WDR49: variants seen among roughly 807,000 people sequenced by gnomAD.
WDR49 encodes the protein WD repeat domain 49.
A neutral mutation model predicts 119.5 loss-of-function variants in WDR49; 107 were observed. The ratio of observed to expected loss-of-function variants is 0.90; its 90% confidence interval spans 0.77 to 1.05. WDR49 has a LOEUF of 1.05. Among genes scored for constraint, WDR49 ranks in the 50% least tolerant of loss-of-function variants. The pLI is 0.00. For synonymous variants in WDR49, 425 were observed against 418.8 expected (o/e 1.01, Z -0.18); for missense variants, 1,240 against 1,220.5 (o/e 1.02, Z -0.24).
intron 2 of WDR49, among the ~76,000 whole-genome samples, chr3:167,652,133 G>T (rs76491839): frequency 0.014 from 2,104 of 152,276 alleles, 19 homozygotes; most frequent in Non-Finnish European, 0.022. Context: ...AATGAGGTTG[G>T]TTGAATAGCA....
intron 12 of WDR49, among the ~76,000 whole-genome samples, chr3:167,531,880 A>G (rs139365136): frequency 1.6e-4 from 25 of 152,282 alleles, no homozygotes; most frequent in African/African-American, 5.8e-4. Context: ...CAAAATTCCA[A>G]AATAAGAAAT....
chr3:167,528,634 G>A (rs1752726663), intron 14 of WDR49, among the ~76,000 whole-genome samples: 1 of 152,070 alleles, frequency 6.6e-6, no homozygotes, highest in Admixed American at 6.6e-5. Flanking sequence ...TGGGAGGATG[G>A]CTGGAACCAG....
intron 5 of WDR49, among the ~76,000 whole-genome samples, chr3:167,609,337 C>T (rs1042370077): frequency 6.6e-6 from 1 of 152,122 alleles, no homozygotes; most frequent in African/African-American, 2.4e-5. Flanking sequence ...AACGCCCACC[C>T]TTCTCCACCC....
At chr3:167,528,929 A>G (rs1331533822) in intron 14 of WDR49, 123 bp downstream of exon 14, 1 of 638,384 alleles carries the variant, frequency 1.6e-6, no homozygotes, top group Non-Finnish European at 2.3e-6. Flanking sequence ...TGTTTTATTT[A>G]AAACACTTAG....
chr3:167,570,992 T>A (rs557497614), intron 8 of WDR49, among the ~76,000 whole-genome samples: 1 of 147,738 alleles, frequency 6.8e-6, no homozygotes, highest in South Asian at 2.1e-4. Flanking sequence ...ACCACTTCAC[T>A]CTAGCTTGGG....
chr3:167,539,120 G>T (rs770731235), intron 10 of WDR49, among the ~76,000 whole-genome samples: 13 of 152,114 alleles, frequency 8.5e-5, no homozygotes, highest in Non-Finnish European at 1.8e-4. Context: ...TGCTCAAAAA[G>T]TTTAAGGAAG....
At chr3:167,607,823 C>A (rs1716135960) in intron 5 of WDR49, among the ~76,000 whole-genome samples, 1 of 152,248 alleles carries the variant, frequency 6.6e-6, no homozygotes, top group South Asian at 2.1e-4. Flanking sequence ...TGCCTCTGAT[C>A]CCCACGGGAA....
At chr3:167,615,310 G>GT (rs1201153565) in intron 5 of WDR49, among the ~76,000 whole-genome samples, 2 of 151,882 alleles carry the variant, frequency 1.3e-5, no homozygotes, top group Non-Finnish European at 2.9e-5. Flanking sequence ...TAATTCTTGT[G>GT]TTTTTTATAG....
intron 18 of WDR49, among the ~76,000 whole-genome samples, chr3:167,481,430 G>T (rs1750715033): frequency 6.6e-6 from 1 of 151,748 alleles, no homozygotes; most frequent in Non-Finnish European, 1.5e-5. Context: ...GGAGAACAGA[G>T]TTCCTGGAAC....
At chr3:167,559,627 A>C (rs973621457) in intron 9 of WDR49, among the ~76,000 whole-genome samples, 1 of 152,228 alleles carries the variant, frequency 6.6e-6, no homozygotes, top group African/African-American at 2.4e-5. Flanking sequence ...GTTTACTTTT[A>C]AATATTTATT....
intron 2 of WDR49, among the ~76,000 whole-genome samples, chr3:167,648,909 T>C (rs912767806): frequency 5.3e-5 from 8 of 152,212 alleles, no homozygotes; most frequent in African/African-American, 1.9e-4. Flanking sequence ...ATTATATATT[T>C]TACACAGTTT....
intron 16 of WDR49, among the ~76,000 whole-genome samples, chr3:167,518,645 G>A (rs1395021750): frequency 6.6e-6 from 1 of 151,652 alleles, no homozygotes; most frequent in East Asian, 2.0e-4. Context: ...CCCTTTGTCA[G>A]ATGAGTAGGT....
At chr3:167,631,770 T>G (rs1717388199) in intron 2 of WDR49, among the ~76,000 whole-genome samples, 1 of 152,082 alleles carries the variant, frequency 6.6e-6, no homozygotes, top group African/African-American at 2.4e-5. Context: ...GGTACTTCAC[T>G]GCTAAGCCAT....
chr3:167,522,682 A>G (rs1295530824), intron 15 of WDR49, among the ~76,000 whole-genome samples, 198 bp from the exon 16 acceptor site: 1 of 152,162 alleles, frequency 6.6e-6, no homozygotes, highest in East Asian at 1.9e-4. Context: ...AACTTTAATA[A>G]AGGTAGAAAA....
intron 10 of WDR49, among the ~76,000 whole-genome samples, chr3:167,542,006 A>T (rs567771966): frequency 1.3e-5 from 2 of 152,222 alleles, no homozygotes; most frequent in Admixed American, 6.5e-5. Flanking sequence ...CCTGGGCAAC[A>T]GAGTGTGACC....
At chr3:167,575,120 G>A (rs1178676335) in intron 8 of WDR49, 2 of 985,250 alleles carry the variant, frequency 2.0e-6, no homozygotes, top group Non-Finnish European at 2.4e-6. Flanking sequence ...GCTGTAAGCT[G>A]GAGACTTGCT....
intron 7 of WDR49, among the ~76,000 whole-genome samples, chr3:167,585,407 T>C (rs929827822): frequency 6.6e-6 from 1 of 151,420 alleles, no homozygotes; most frequent in African/African-American, 2.4e-5. Flanking sequence ...TGTGTGTGTG[T>C]GTGTGTGTGT....
intron 18 of WDR49, among the ~76,000 whole-genome samples, chr3:167,481,611 G>C (rs901405516): frequency 8.5e-5 from 13 of 152,154 alleles, no homozygotes; most frequent in Non-Finnish European, 1.8e-4. Flanking sequence ...TGCTGATAAA[G>C]ACACACCCGA....
intron 3 of WDR49, among the ~76,000 whole-genome samples, chr3:167,624,497 G>A (rs1577285516): frequency 6.6e-6 from 1 of 152,098 alleles, no homozygotes; most frequent in East Asian, 1.9e-4. Flanking sequence ...AACACTGCTA[G>A]GAAATTTTTG....
Sources: gnomAD v4.1 joint callset for allele counts (sites outside exome capture counted in the v4.1 genomes callset) on GRCh38, gnomAD v4.1.1 for gene constraint, MANE v1.5 for transcripts, NCBI Gene and HGNC (gene_info 2026-07-23, HGNC 2026-07-21) for gene names.